WDFY4: variants seen among roughly 807,000 people sequenced by gnomAD.
WDFY4 encodes the protein WDFY family member 4.
WDFY4 carries 169 observed loss-of-function variants against 351.9 expected under a neutral mutation model. The ratio of observed to expected loss-of-function variants is 0.48; its 90% CI spans 0.42 to 0.55. The LOEUF is 0.55. WDFY4 is among the 20% of genes least tolerant of loss of function. WDFY4 has a pLI of 0.00. For missense variants in WDFY4, 3,803 were observed against 3,935.6 expected (o/e 0.97, Z 0.90); for synonymous variants, 1,622 against 1,574.6 (o/e 1.03, Z -0.71).
chr10:48,957,344 C>A, intron 52 of WDFY4, 62 bp downstream of exon 52: 2 of 1,526,230 alleles, frequency 1.3e-6, no homozygotes, highest in Non-Finnish European at 1.8e-6. Context: ...CCCACAGCCC[C>A]TGGGTGATGA....
At chr10:48,838,279 A>G (rs7074067) in intron 39 of WDFY4, among the ~76,000 whole-genome samples, 59,525 of 151,726 alleles carry the variant, frequency 0.39, 12,546 homozygotes, top group East Asian at 0.7. Flanking sequence ...TGAGACCTCC[A>G]ATGAAACCAG....
intron 31 of WDFY4, among the ~76,000 whole-genome samples, chr10:48,815,425 G>A (rs1319224527): frequency 1.3e-5 from 2 of 152,046 alleles, no homozygotes; most frequent in Non-Finnish European, 2.9e-5. Context: ...TGCTGAGAAA[G>A]TAGAGATCCC....
rs532265016 is a variant in WDFY4, at chr10:48,805,419, C to T, written c.4644C>T (p.Leu1548=). The T allele has an allele frequency of 1.3e-6, 2 of 1,547,852 alleles. No individual in the cohort carries two copies. The highest frequency in any genetic ancestry group is 4.9e-5 in the East Asian group (2 of 40,896). ...LRGHFSTQDL[L]RIGLFVVYTL... Reference sequence around the variant, plus strand: ...GCCACTTCAGCACCCAGGACTTGCTCAGGTACCACACCAAGCTGCCCAGGG... The same window carrying T: ...GCCACTTCAGCACCCAGGACTTGCTTAGGTACCACACCAAGCTGCCCAGGG... The change falls in exon 26 of 62, where the codon CTC becomes CTT. Residue 1548 remains leucine, a splice_region_variant and synonymous_variant. Coordinates refer to ENST00000325239, the MANE Select transcript of WDFY4 (RefSeq NM_001394531.1).
intron 2 of WDFY4, among the ~76,000 whole-genome samples, chr10:48,714,060 G>A (rs375219680): frequency 2.4e-4 from 36 of 152,306 alleles, no homozygotes; most frequent in South Asian, 1.5e-3. Context: ...TCACAATAAC[G>A]CTGTGATGTA....
chr10:48,855,295 C>T (rs2133196727), intron 39 of WDFY4, among the ~76,000 whole-genome samples: 1 of 152,294 alleles, frequency 6.6e-6, no homozygotes, highest in East Asian at 1.9e-4. Flanking sequence ...GCATCCCTGA[C>T]TCCATGCCTC....
At chr10:48,700,975 T>G (rs2063464695) in intron 1 of WDFY4, among the ~76,000 whole-genome samples, 2 of 152,242 alleles carry the variant, frequency 1.3e-5, no homozygotes, top group African/African-American at 4.8e-5. Flanking sequence ...TATAGTTCAG[T>G]GGCATTGAGT....
intron 47 of WDFY4, chr10:48,914,111 G>C: frequency 6.2e-7 from 1 of 1,614,168 alleles, no homozygotes; most frequent in Non-Finnish European, 8.5e-7. Flanking sequence ...TGGCCACCTT[G>C]AGGGTGATCT....
intron 49 of WDFY4, 22 bp from the exon 50 acceptor site, chr10:48,946,018 C>T (rs1343222970): frequency 6.6e-7 from 1 of 1,507,866 alleles, no homozygotes; most frequent in Non-Finnish European, 8.9e-7. Flanking sequence ...GAGTTAACTC[C>T]AGCTGCACAT....
At chr10:48,897,974 G>A (rs1234259190) in intron 45 of WDFY4, among the ~76,000 whole-genome samples, 1 of 152,158 alleles carries the variant, frequency 6.6e-6, no homozygotes, top group East Asian at 1.9e-4. Context: ...ACAGGGGTAA[G>A]ACCTCCCTTG....
intron 31 of WDFY4, among the ~76,000 whole-genome samples, chr10:48,815,809 C>T (rs1019184252): frequency 6.6e-6 from 1 of 151,934 alleles, no homozygotes; most frequent in African/African-American, 2.4e-5. Flanking sequence ...TCAAAGACCT[C>T]ATTTAGTCAC....
chr10:48,777,286 G>A, intron 16 of WDFY4, 133 bp from the exon 17 acceptor site: 2 of 877,424 alleles, frequency 2.3e-6, no homozygotes, highest in East Asian at 2.7e-5. Flanking sequence ...CCATCCTTGG[G>A]ACCTTATGGT....
intron 39 of WDFY4, among the ~76,000 whole-genome samples, chr10:48,857,329 G>A (rs1194129467): frequency 7.5e-6 from 1 of 133,272 alleles, no homozygotes; most frequent in African/African-American, 3.2e-5. Flanking sequence ...ATATTCTTAA[G>A]TGAAAATAGC....
chr10:48,719,522 CTT>C (rs1269434342), intron 2 of WDFY4, among the ~76,000 whole-genome samples: 4 of 152,242 alleles, frequency 2.6e-5, no homozygotes, highest in Non-Finnish European at 4.4e-5. Context: ...AAAGCACACT[CTT>C]TCACTTGCAA....
At chr10:48,933,541 G>A (rs934748626) in intron 47 of WDFY4, among the ~76,000 whole-genome samples, 6 of 152,224 alleles carry the variant, frequency 3.9e-5, no homozygotes, top group Non-Finnish European at 7.3e-5. Flanking sequence ...GGCAGGAGCT[G>A]AGCTAGATCC....
chr10:48,981,289 C>T (rs180780949), intron 60 of WDFY4, 78 bp from the exon 61 acceptor site: 28 of 1,190,422 alleles, frequency 2.4e-5, no homozygotes, highest in African/African-American at 2.1e-4. Context: ...TATGTGTTTG[C>T]GGCCCCGTGT....
intron 1 of WDFY4, among the ~76,000 whole-genome samples, chr10:48,706,011 G>A (rs2063617336): frequency 6.6e-6 from 1 of 152,194 alleles, no homozygotes; most frequent in Non-Finnish European, 1.5e-5. Context: ...ATGGCTTGGG[G>A]CTGGCTCTAT....
chr10:48,849,400 C>T (rs1274983673), intron 39 of WDFY4, among the ~76,000 whole-genome samples: 1 of 152,218 alleles, frequency 6.6e-6, no homozygotes, highest in East Asian at 1.9e-4. Flanking sequence ...ATCAATCAGT[C>T]TTTCTTTGTT....
intron 13 of WDFY4, among the ~76,000 whole-genome samples, chr10:48,765,815 G>A (rs963706868): frequency 3.9e-5 from 6 of 152,150 alleles, no homozygotes; most frequent in African/African-American, 9.7e-5. Flanking sequence ...TGCATCTCAC[G>A]TTATTTTTGG....
At position 48,775,747 on chromosome 10, in the gene WDFY4, C is replaced by T. The variant is rs752526934; in HGVS notation, c.2804C>T (p.Ser935Leu). Reference sequence around the variant, plus strand: ...GGTCTTGGAATTCCCTCATCTCTGTCGGCCACAACAAAAATCCTTGATTCA... The same window carrying T: ...GGTCTTGGAATTCCCTCATCTCTGTTGGCCACAACAAAAATCCTTGATTCA... ...FLGLGIPSSLSATTKILDSSH... is the reference protein window; with the variant it reads ...FLGLGIPSSLLATTKILDSSH... Residue 935 changes from serine to leucine, a missense_variant, in exon 15 of 62, where the codon TCG becomes TTG. Ser to Leu is a moderately radical substitution (Grantham distance 145). Transcript: ENST00000325239. 8.5e-5 allele frequency: 132 copies of T among 1,551,548 alleles called. No individual in the cohort carries two copies. The highest frequency in any genetic ancestry group is 6.7e-4 in the South Asian group (56 of 84,048).
Sources: allele counts gnomAD v4.1 joint callset (sites outside exome capture counted in the v4.1 genomes callset), GRCh38; gene constraint gnomAD v4.1.1; transcripts MANE v1.5; gene names NCBI Gene and HGNC (gene_info 2026-07-23, HGNC 2026-07-21).